MGST1: variants seen among roughly 807,000 people sequenced by gnomAD.
The protein encoded by MGST1 is glutathione S-transferase 12.
A neutral mutation model predicts 8.9 loss-of-function variants in MGST1; 5 were observed. That is an observed-to-expected ratio of 0.56 (90% CI 0.29 to 1.19). The LOEUF is 1.19. Among genes scored for constraint, MGST1 ranks in the 50% most tolerant of loss-of-function variants. The pLI, the probability that MGST1 is intolerant of heterozygous loss-of-function variation, is 0.08. For missense variants in MGST1, 182 were observed against 187.4 expected, an observed-to-expected ratio of 0.97 and a Z score of 0.17; for synonymous variants, 54 against 67.8, an observed-to-expected ratio of 0.80 and a Z score of 1.00.
chr12:16,454,902 A>AAAAAAAAAAAAAAAAAAAAAAAAAAAAG (rs1555104768), intron 4 of MGST1, among the ~76,000 whole-genome samples: 1 of 125,996 alleles, frequency 7.9e-6, no homozygotes, highest in African/African-American at 3.2e-5. Context: ...AAAAAAAAAA[A>AAAAAAAAAAAAAAAAAAAAAAAAAAAAG]AAGGAGATGG....
intron 4 of MGST1, among the ~76,000 whole-genome samples, chr12:16,487,554 C>T (rs1349104391): frequency 1.3e-5 from 2 of 152,012 alleles, no homozygotes; most frequent in South Asian, 4.2e-4. Flanking sequence ...AAAGAGGAGG[C>T]AAGAGGAAGA....
At chr12:16,357,438 TTA>T (rs1388633871) in intron 2 of MGST1, 165 bp from the exon 3 acceptor site, 1 of 556,578 alleles carries the variant, frequency 1.8e-6, no homozygotes, top group Non-Finnish European at 3.2e-6. Context: ...AAAATTTTTT[TTA>T]AAAAAATTTG....
chr12:16,495,357 G>A (rs1273634931), intron 4 of MGST1, among the ~76,000 whole-genome samples: 2 of 151,964 alleles, frequency 1.3e-5, no homozygotes, highest in African/African-American at 4.8e-5. Context: ...GAACCATTGA[G>A]TACTATGCCC....
chr12:16,587,039 T>C lies in MGST1; in HGVS notation n.483-2489T>C, dbSNP rs1943343642. Among the ~76,000 whole-genome samples the C allele has an allele frequency of 6.6e-6, 1 of 152,192 alleles. No individual in the cohort carries two copies. The highest frequency in any genetic ancestry group is 1.5e-5 in the Non-Finnish European group (1 of 68,034). On this transcript the variant is annotated intron_variant and non_coding_transcript_variant, in intron 4 of 4. Coordinates refer to the MGST1 transcript ENST00000538857. This position sits in a 1 kb window ranked among gnomAD's most constrained non-coding sequence, Gnocchi z 4.3. Reference sequence around the variant, plus strand: ...CAACATATCTCGTCACATCTCATATTTGGTTATTTTCCTTCTCAAAAGGTC... The same window carrying C: ...CAACATATCTCGTCACATCTCATATCTGGTTATTTTCCTTCTCAAAAGGTC...
intron 4 of MGST1, among the ~76,000 whole-genome samples, chr12:16,575,909 C>A (rs1298524348): frequency 6.6e-6 from 1 of 152,140 alleles, no homozygotes; most frequent in Non-Finnish European, 1.5e-5. Context: ...TCCCTCTCCC[C>A]ATGTTCAATG....
At chr12:16,551,563 A>G (rs532966302) in intron 4 of MGST1, among the ~76,000 whole-genome samples, 2 of 151,566 alleles carry the variant, frequency 1.3e-5, no homozygotes, top group African/African-American at 4.8e-5. Flanking sequence ...GGATATTGAG[A>G]TAAACACTTT....
intron 1 of MGST1, among the ~76,000 whole-genome samples, chr12:16,352,882 A>G (rs1939531662): frequency 6.6e-6 from 1 of 151,954 alleles, no homozygotes; most frequent in Non-Finnish European, 1.5e-5. Flanking sequence ...CTCCTTCTTT[A>G]CCTGTCTTCG....
At chr12:16,385,302 A>G (rs1409098691) in intron 1 of MGST1, among the ~76,000 whole-genome samples, 1 of 152,216 alleles carries the variant, frequency 6.6e-6, no homozygotes, top group Non-Finnish European at 1.5e-5. Context: ...GCAATGGACC[A>G]TTGTAATCAG....
chr12:16,552,472 A>G (rs1565478439), intron 4 of MGST1, among the ~76,000 whole-genome samples: 1 of 152,034 alleles, frequency 6.6e-6, no homozygotes, highest in East Asian at 1.9e-4. Flanking sequence ...GAGCAGTTGG[A>G]CTGATTTACA....
At chr12:16,581,439 A>C (rs1167607607) in intron 4 of MGST1, among the ~76,000 whole-genome samples, 1 of 152,310 alleles carries the variant, frequency 6.6e-6, no homozygotes, top group Non-Finnish European at 1.5e-5. Flanking sequence ...TATATAACTC[A>C]TTGAGAATAC....
chr12:16,470,031 T>C (rs991221298), intron 4 of MGST1, among the ~76,000 whole-genome samples: 1 of 152,216 alleles, frequency 6.6e-6, no homozygotes, highest in Non-Finnish European at 1.5e-5. Context: ...TTGTTCAGAA[T>C]ATAGAAGCTC....
At chr12:16,419,069 A>G (rs1940810389) in intron 1 of MGST1, among the ~76,000 whole-genome samples, 1 of 152,144 alleles carries the variant, frequency 6.6e-6, no homozygotes, top group Middle Eastern at 3.2e-3. Context: ...GCTTTTCAGC[A>G]CTACCTAAAT....
chr12:16,455,229 G>A (rs1941163607), intron 4 of MGST1, among the ~76,000 whole-genome samples: 1 of 151,866 alleles, frequency 6.6e-6, no homozygotes, highest in Non-Finnish European at 1.5e-5. Context: ...CACTTGCTAT[G>A]TTTCAGGCTG....
chr12:16,447,411 A>G (rs1395762403), intron 4 of MGST1, among the ~76,000 whole-genome samples: 1 of 151,906 alleles, frequency 6.6e-6, no homozygotes, highest in Non-Finnish European at 1.5e-5. Context: ...ATGAGGGAAA[A>G]TCCTGAAGAT....
At chr12:16,570,623 TACTC>T (rs1197397453) in intron 4 of MGST1, among the ~76,000 whole-genome samples, 7 of 152,198 alleles carry the variant, frequency 4.6e-5, no homozygotes, top group East Asian at 3.9e-4. Flanking sequence ...AAGAGCCACT[TACTC>T]ACTCAGGCAC....
chr12:16,437,457 T>C (rs1940996840), exon 2 of MGST1: 1 of 151,924 alleles, frequency 6.6e-6, no homozygotes, highest in Admixed American at 6.6e-5. Flanking sequence ...CTTCCAGGAA[T>C]TCTTCCCAGA....
Position 16,389,907 on chromosome 12 carries a change from T to C in MGST1, n.778+6303T>C, listed in dbSNP as rs1012536. On this transcript the variant is annotated intron_variant and non_coding_transcript_variant, in intron 1 of 1. Transcript: ENST00000359720. This position sits in a 1 kb window ranked among gnomAD's most constrained non-coding sequence, Gnocchi z 4.6. ...GAAGAGTGAGGCAGGATTGCGTAAG[T>C]AGAAAAAGAGAAAAAGAGAGCAATG... Among the ~76,000 whole-genome samples, 93,289 of 151,908 alleles carry C rather than the reference T, an allele frequency of 0.61. 29,813 individuals are homozygous for C. Among genetic ancestry groups the C allele is most frequent in the East Asian group, 0.96 (4,953 of 5,164 alleles).
chr12:16,515,843 C>A (rs1017229447), intron 4 of MGST1, among the ~76,000 whole-genome samples: 1 of 151,956 alleles, frequency 6.6e-6, no homozygotes. Context: ...TGCATTTGCT[C>A]ATCTCACATC....
intron 4 of MGST1, among the ~76,000 whole-genome samples, chr12:16,451,176 T>C (rs1465076349): frequency 6.6e-6 from 1 of 151,874 alleles, no homozygotes; most frequent in Non-Finnish European, 1.5e-5. Context: ...CTTTTAACTA[T>C]AGGTGGTGGA....
Sources: allele counts gnomAD v4.1 joint callset (sites outside exome capture counted in the v4.1 genomes callset), GRCh38; gene constraint gnomAD v4.1.1; non-coding constraint Gnocchi (gnomAD v3.1); transcripts MANE v1.5; gene names NCBI Gene and HGNC (gene_info 2026-07-23, HGNC 2026-07-21).